The following NRXN3 variants were observed in gnomAD, a reference collection of about 807,000 sequenced individuals.
NRXN3 encodes neurexin 3, also known as neurexin III.
A neutral mutation model predicts 137.6 loss-of-function variants in NRXN3; 32 were observed. That is an observed-to-expected ratio of 0.23 (90% CI 0.18 to 0.31). The LOEUF (loss-of-function observed/expected upper bound fraction) is 0.31, where lower values mean the gene tolerates loss of function less well. NRXN3 is among the 10% of genes least tolerant of loss of function. The pLI is 1.00. For missense variants in NRXN3, 1,574 were observed against 2,062.5 expected, an observed-to-expected ratio of 0.76 and a Z score of 4.59; for synonymous variants, 798 against 784.5, an observed-to-expected ratio of 1.02 and a Z score of -0.29.
In NRXN3 at chr14:79,002,879, G is replaced by C. The variant is rs149258842; in HGVS notation, c.3262+14738G>C. 2.2e-3 allele frequency among the ~76,000 whole-genome samples: 332 copies of C among 152,250 alleles called. 1 individual carries two copies. The highest frequency in any genetic ancestry group is 7.5e-3 in the African/African-American group (313 of 41,556). On this transcript the variant is annotated intron_variant, in intron 15 of 20. Coordinates refer to ENST00000335750, the MANE Select transcript of NRXN3 (RefSeq NM_001330195.2). ...TTTCTCCACAACCTTGCCAGCATCT[G>C]TTGTGTTTTGATAAGTCCGTATAAT... is the stretch of plus-strand genomic sequence containing the variant.
At chr14:78,861,253 T>C (rs2099071584) in intron 10 of NRXN3, among the ~76,000 whole-genome samples, 1 of 152,186 alleles carries the variant, frequency 6.6e-6, no homozygotes, top group South Asian at 2.1e-4. Context: ...TAGGCTTTGT[T>C]ATTCTGAACA....
chr14:79,372,482 T>C (rs1479061926), intron 15 of NRXN3, among the ~76,000 whole-genome samples: 2 of 152,116 alleles, frequency 1.3e-5, no homozygotes, highest in African/African-American at 4.8e-5. Flanking sequence ...TTATATTATA[T>C]AATAATTCCT....
At chr14:79,439,245 C>T (rs2095892785) in intron 15 of NRXN3, among the ~76,000 whole-genome samples, 1 of 152,216 alleles carries the variant, frequency 6.6e-6, no homozygotes, top group Non-Finnish European at 1.5e-5. Context: ...ACAAGATAAA[C>T]TGCATGTATC....
intron 4 of NRXN3, among the ~76,000 whole-genome samples, chr14:78,597,504 A>G (rs756992178): frequency 6.6e-6 from 1 of 152,180 alleles, no homozygotes; most frequent in Admixed American, 6.5e-5. Context: ...TAGAAGCTTC[A>G]TGGGGTACAG....
intron 16 of NRXN3, among the ~76,000 whole-genome samples, chr14:79,477,756 G>A (rs8008910): frequency 0.25 from 37,890 of 151,878 alleles, 5,350 homozygotes; most frequent in African/African-American, 0.37. Flanking sequence ...CTAGAGAAAC[G>A]TCTTTAAAGA....
chr14:78,742,218 G>A (rs2098579646), intron 8 of NRXN3, among the ~76,000 whole-genome samples: 1 of 152,120 alleles, frequency 6.6e-6, no homozygotes, highest in South Asian at 2.1e-4. Context: ...TTTTTGGACA[G>A]GCCAAGATGC....
At chr14:78,521,139 T>C (rs2096277949) in intron 4 of NRXN3, among the ~76,000 whole-genome samples, 1 of 152,042 alleles carries the variant, frequency 6.6e-6, no homozygotes, top group Admixed American at 6.5e-5. Context: ...GCATGCTCCT[T>C]TGTGTACTCT....
chr14:78,980,104 C>T (rs1330832570), intron 14 of NRXN3, among the ~76,000 whole-genome samples: 3 of 152,192 alleles, frequency 2.0e-5, no homozygotes, highest in Non-Finnish European at 4.4e-5. Context: ...TTAGGTTACA[C>T]CGATAGAGTC....
intron 4 of NRXN3, among the ~76,000 whole-genome samples, chr14:78,323,166 A>G (rs563325921): frequency 4.6e-5 from 7 of 152,220 alleles, no homozygotes; most frequent in South Asian, 2.1e-4. Flanking sequence ...TTAAAATTGT[A>G]TATATCTTCC....
chr14:78,627,939 T>A (rs1215616099), intron 4 of NRXN3, among the ~76,000 whole-genome samples: 1 of 152,170 alleles, frequency 6.6e-6, no homozygotes, highest in Non-Finnish European at 1.5e-5. Context: ...GTCAAAGCCC[T>A]TGGAACTCAT....
intron 20 of NRXN3, among the ~76,000 whole-genome samples, chr14:79,808,795 ATAATT>A (rs1295935153): frequency 3.9e-5 from 6 of 152,172 alleles, no homozygotes; most frequent in African/African-American, 1.2e-4. Context: ...TTTAAATGAA[ATAATT>A]TATTTTTTCT....
At chr14:78,333,510 T>C (rs944037283) in intron 4 of NRXN3, among the ~76,000 whole-genome samples, 3 of 152,058 alleles carry the variant, frequency 2.0e-5, no homozygotes, top group Admixed American at 6.5e-5. Flanking sequence ...ACTAGCTAGA[T>C]ACATAGATAG....
intron 4 of NRXN3, among the ~76,000 whole-genome samples, chr14:78,563,642 G>A (rs2096808490): frequency 6.6e-6 from 1 of 152,230 alleles, no homozygotes; most frequent in African/African-American, 2.4e-5. Flanking sequence ...GAGATGCACT[G>A]ACAGATCTCT....
Position 78,213,964 on chromosome 14 carries a change from A to G in NRXN3, c.-703-28427A>G, listed in dbSNP as rs1347172144. Among the ~76,000 whole-genome samples, 15 of 152,326 alleles carry G rather than the reference A, an allele frequency of 9.8e-5. No homozygotes were observed. In the East Asian group the frequency reaches 2.5e-3, roughly 26 times the overall value. On this transcript the variant is annotated intron_variant, in intron 1 of 20. Transcript: ENST00000335750. ...CATGTTATCTGAGTTTGCTGGCAGC[A>G]GGCCCATAGTAGCAGATCCCTCTTC...
intron 10 of NRXN3, among the ~76,000 whole-genome samples, chr14:78,892,184 C>T (rs774634244): frequency 1.3e-5 from 2 of 151,850 alleles, no homozygotes; most frequent in Non-Finnish European, 1.5e-5. Flanking sequence ...CTCTGATGCA[C>T]GTTAAAATTT....
At chr14:79,199,136 C>T (rs2065559947) in intron 15 of NRXN3, among the ~76,000 whole-genome samples, 1 of 151,914 alleles carries the variant, frequency 6.6e-6, no homozygotes, top group African/African-American at 2.4e-5. Flanking sequence ...CACTGCGCTC[C>T]AGCCTGGGCG....
chr14:78,925,944 C>T (rs1026992672), intron 10 of NRXN3, among the ~76,000 whole-genome samples: 12 of 152,140 alleles, frequency 7.9e-5, no homozygotes, highest in Non-Finnish European at 1.6e-4. Context: ...TTATGTAAAA[C>T]TCACTGAAGT....
chr14:79,376,210 G>GTATA (rs1422842626), intron 15 of NRXN3, among the ~76,000 whole-genome samples: 15 of 40,794 alleles, frequency 3.7e-4, no homozygotes, highest in African/African-American at 1.2e-3. Flanking sequence ...GTGTGTGTGT[G>GTATA]TATGTATATA....
At chr14:78,213,094 A>C (rs569825852) in intron 1 of NRXN3, among the ~76,000 whole-genome samples, 63 of 152,290 alleles carry the variant, frequency 4.1e-4, no homozygotes, top group African/African-American at 1.4e-3. Flanking sequence ...GGCAAAACTC[A>C]TCTAGTGCTT....
Sources: gnomAD v4.1 joint callset for allele counts (sites outside exome capture counted in the v4.1 genomes callset) on GRCh38, gnomAD v4.1.1 for gene constraint, MANE v1.5 for transcripts, NCBI Gene and HGNC (gene_info 2026-07-23, HGNC 2026-07-21) for gene names.